LOXHD1: variants seen among roughly 807,000 people sequenced by gnomAD.
LOXHD1 encodes the protein lipoxygenase homology domain-containing protein 1.
In LOXHD1, 205 loss-of-function variants were observed where a neutral mutation model predicts 248.2. The observed-to-expected ratio is 0.83, with a 90% CI of 0.74 to 0.93. LOXHD1 has a LOEUF of 0.93. Ranked by LOEUF, LOXHD1 falls within the 40% of genes least tolerant of loss-of-function variation. LOXHD1 has a pLI of 0.00. For synonymous variants in LOXHD1, 1,113 were observed against 1,162.8 expected, an observed-to-expected ratio of 0.96 and a Z score of 0.87; for missense variants, 2,930 against 2,971.6, an observed-to-expected ratio of 0.99 and a Z score of 0.33.
intron 12 of LOXHD1, among the ~76,000 whole-genome samples, chr18:46,588,679 C>CA (rs1256163392): frequency 6.6e-6 from 1 of 152,218 alleles, no homozygotes; most frequent in Non-Finnish European, 1.5e-5. Context: ...ATTCACACTT[C>CA]AAGACCTGCC....
In LOXHD1 at chr18:46,502,936, G is replaced by T. The variant is rs185145784; in HGVS notation, c.5878+2902C>A. ...GGGATACCACTTCTTCCTTCCCAGGGTTCTAATTCCTTTGGGTCTCTGCTA... is the reference window on the plus strand; with the variant it reads ...GGGATACCACTTCTTCCTTCCCAGGTTTCTAATTCCTTTGGGTCTCTGCTA... On this transcript the variant is annotated intron_variant, in intron 37 of 40. Transcript: ENST00000642948. Among the ~76,000 whole-genome samples, 454 of 152,248 alleles carry T rather than the reference G, an allele frequency of 3.0e-3. 2 individuals are homozygous for T. Among genetic ancestry groups the T allele is most frequent in the African/African-American group, 0.01 (436 of 41,550 alleles).
At chr18:46,594,216 G>A in intron 9 of LOXHD1, 115 bp downstream of exon 9, 1 of 1,344,548 alleles carries the variant, frequency 7.4e-7, no homozygotes, top group South Asian at 1.4e-5. Flanking sequence ...CTTTCTGGAG[G>A]AGACTTGAGA....
chr18:46,580,895 G>A (rs564756204), intron 12 of LOXHD1, among the ~76,000 whole-genome samples: 4 of 152,300 alleles, frequency 2.6e-5, no homozygotes, highest in Non-Finnish European at 5.9e-5. Flanking sequence ...GCAGAGAGAA[G>A]GCCAATATGG....
chr18:46,558,731 A>G (rs117623116), intron 20 of LOXHD1, among the ~76,000 whole-genome samples: 2,008 of 152,280 alleles, frequency 0.013, 26 homozygotes, highest in Middle Eastern at 0.065. Flanking sequence ...GATATTATAA[A>G]ATCTTGAAGG....
At chr18:46,493,313 GCTTCCTAATCCCCAATTA>G (rs1457732920) in intron 37 of LOXHD1, among the ~76,000 whole-genome samples, 4 of 152,320 alleles carry the variant, frequency 2.6e-5, no homozygotes, top group African/African-American at 7.2e-5. Flanking sequence ...ATTTGCAGAA[GCTTCCTAATCCCCAATTA>G]CTTTCTGTCA....
At chr18:46,580,054 C>T (rs1328390584) in intron 12 of LOXHD1, among the ~76,000 whole-genome samples, 3 of 152,242 alleles carry the variant, frequency 2.0e-5, no homozygotes, top group African/African-American at 7.2e-5. Flanking sequence ...CAGAGGTTCC[C>T]AATCCTGTCA....
intron 9 of LOXHD1, 25 bp from the exon 10 acceptor site, chr18:46,593,785 A>G: frequency 6.4e-7 from 1 of 1,550,970 alleles, no homozygotes; most frequent in Non-Finnish European, 8.7e-7. Flanking sequence ...AAGTTGCACC[A>G]TAAACTTCAG....
chr18:46,560,291 C>T lies in LOXHD1; in HGVS notation c.2853G>A (p.Glu951=), dbSNP rs776642377. 1.5e-5 allele frequency: 23 copies of T among 1,551,800 alleles called. No individual in the cohort carries two copies. The highest frequency in any genetic ancestry group is 1.7e-4 in the Middle Eastern group (1 of 6,018). The change falls in exon 19 of 41, where the codon GAG becomes GAA. Residue 951 remains glutamate (E), a synonymous_variant. Coordinates refer to ENST00000642948, the MANE Select transcript of LOXHD1 (RefSeq NM_001384474.1). ...ATGAGGACGACTCCTCTTCCTCCCC[C>T]TCGTCCTCTTCGTCGCTGCCCTTCC... is the stretch of plus-strand genomic sequence containing the variant. ...KKRKGSDEED[E]GEEEESSSSE... is the part of the protein sequence containing the mutation.
At chr18:46,485,418 TG>T (rs2032974342) in intron 38 of LOXHD1, among the ~76,000 whole-genome samples, 2 of 151,848 alleles carry the variant, frequency 1.3e-5, no homozygotes, top group South Asian at 4.2e-4. Context: ...CAGCAGGAGG[TG>T]GGGCTGAACA....
chr18:46,592,315 C>T (rs1215016561), intron 11 of LOXHD1, among the ~76,000 whole-genome samples, 183 bp downstream of exon 11: 3 of 152,114 alleles, frequency 2.0e-5, no homozygotes, highest in African/African-American at 4.8e-5. Context: ...TAATCTACTT[C>T]GGAAGTCTCT....
At chr18:46,541,693 C>G in intron 25 of LOXHD1, 83 bp downstream of exon 25, 1 of 1,483,278 alleles carries the variant, frequency 6.7e-7, no homozygotes. Flanking sequence ...ACAGTCAATC[C>G]TGAAGGAAGA....
At chr18:46,498,800 A>T (rs994137257) in intron 37 of LOXHD1, among the ~76,000 whole-genome samples, 2 of 152,212 alleles carry the variant, frequency 1.3e-5, no homozygotes, top group African/African-American at 4.8e-5. Flanking sequence ...AAATATTATC[A>T]CATTCTGAGG....
At chr18:46,534,285 C>T in intron 27 of LOXHD1, 50 bp downstream of exon 27, 1 of 1,389,074 alleles carries the variant, frequency 7.2e-7, no homozygotes, top group Non-Finnish European at 1.0e-6. Context: ...CTTGAACCTG[C>T]TCTGGAAAGG....
intron 37 of LOXHD1, 103 bp downstream of exon 37, chr18:46,505,735 C>T: frequency 1.6e-6 from 2 of 1,270,964 alleles, no homozygotes; most frequent in East Asian, 2.5e-5. Flanking sequence ...TTTTCTGCCA[C>T]CCTGGGGTAA....
intron 8 of LOXHD1, among the ~76,000 whole-genome samples, chr18:46,595,758 A>G (rs1447404165): frequency 6.6e-6 from 1 of 152,208 alleles, no homozygotes; most frequent in Non-Finnish European, 1.5e-5. Context: ...AGTTGAGGGC[A>G]CAGGAGGGTA....
At position 46,521,082 on chromosome 18, in the gene LOXHD1, C is replaced by A; in HGVS notation, c.5271+15G>T. The A allele has an allele frequency of 6.4e-7, 1 of 1,550,810 alleles. No homozygotes were observed. Among genetic ancestry groups the A allele is most frequent in the South Asian group, 1.2e-5 (1 of 83,936 alleles). ...GCCCTGGCCATGCACTGCACACTCA[C>A]AGTGCCCCCCCTACCTTCACCCCAA... On this transcript the variant is annotated intron_variant, in intron 33 of 40. Transcript: ENST00000642948.
intron 4 of LOXHD1, among the ~76,000 whole-genome samples, chr18:46,621,387 T>C (rs967098275): frequency 1.3e-5 from 2 of 152,230 alleles, no homozygotes; most frequent in African/African-American, 2.4e-5. Context: ...CCAGACTATC[T>C]ACTTTGCCAT....
Position 46,545,390 on chromosome 18 carries a change from C to A in LOXHD1, c.3546G>T (p.Lys1182Asn). 6.4e-7 allele frequency: 1 copy of A among 1,551,990 alleles called. No homozygotes were observed. The highest frequency in any genetic ancestry group is 8.7e-7 in the Non-Finnish European group (1 of 1,146,974). Residue 1182 changes from lysine to asparagine, a missense_variant, in exon 23 of 41, where the codon AAG (lysine) becomes AAT (asparagine). Transcript: ENST00000642948. ...TGCCCGCATTCTTCTTAACCCCAGT[C>A]TTTATGGTCACTGAGAATGTGGTAG... ...DKSTTFSVTI[K>N]TGVKKNAGTD...
chr18:46,533,289 C>T lies in LOXHD1; in HGVS notation c.4248G>A (p.Trp1416Ter), dbSNP rs1179850019. Residue 1416 changes from tryptophan (W) to a stop codon, truncating the protein, a stop_gained, in exon 28 of 41, where the codon TGG becomes TGA. Transcript: ENST00000642948. LOFTEE classifies it high-confidence loss of function. Reference sequence around the variant, plus strand: ...TTTTGTCATCCTCAGAGGTGGCAAGCCACCGATCGCATGGGAAAGTCAAGG... The same window carrying T: ...TTTTGTCATCCTCAGAGGTGGCAAGTCACCGATCGCATGGGAAAGTCAAGG... ...AETLTFPCDR[W>*]LATSEDDKKT... The T allele has an allele frequency of 1.9e-6, 3 of 1,551,812 alleles. No homozygotes were observed.
Sources: allele counts gnomAD v4.1 joint callset (sites outside exome capture counted in the v4.1 genomes callset), GRCh38; gene constraint gnomAD v4.1.1; transcripts MANE v1.5; gene names NCBI Gene and HGNC (gene_info 2026-07-23, HGNC 2026-07-21).